GNG4: variants seen among roughly 807,000 people sequenced by gnomAD.
GNG4 encodes the protein guanine nucleotide-binding protein G(I)/G(S)/G(O) subunit gamma-4.
A neutral mutation model predicts 5.8 loss-of-function variants in GNG4; 4 were observed. The ratio of observed to expected loss-of-function variants is 0.69; its 90% CI spans 0.34 to 1.57. The LOEUF is 1.57. GNG4 is among the 40% of genes most tolerant of loss of function. GNG4 has a pLI of 0.06. For synonymous variants in GNG4, 29 were observed against 32.9 expected, an observed-to-expected ratio of 0.88 and a Z score of 0.41; for missense variants, 96 against 95.1, an observed-to-expected ratio of 1.01 and a Z score of -0.04.
At chr1:235,608,687 ATT>A (rs58183552) in intron 1 of GNG4, among the ~76,000 whole-genome samples, 56,030 of 143,126 alleles carry the variant, frequency 0.39, 12,057 homozygotes, top group African/African-American at 0.58. Context: ...TTTATTTTTT[ATT>A]TTTTTTTTTT....
chr1:235,562,647 G>GAAA (rs1286012762), intron 3 of GNG4, among the ~76,000 whole-genome samples: 1 of 21,688 alleles, frequency 4.6e-5, no homozygotes, highest in Non-Finnish European at 1.1e-4. Context: ...TCTGTCTCAA[G>GAAA]AAAAAAAAAA....
chr1:235,593,771 C>G (rs1688049280), intron 2 of GNG4, among the ~76,000 whole-genome samples: 1 of 152,108 alleles, frequency 6.6e-6, no homozygotes, highest in Non-Finnish European at 1.5e-5. Context: ...TTCCTTCCTC[C>G]CAGTGGGTTT....
At chr1:235,605,784 G>A (rs1688344354) in intron 1 of GNG4, among the ~76,000 whole-genome samples, 1 of 151,978 alleles carries the variant, frequency 6.6e-6, no homozygotes. Context: ...AACCCTGGGT[G>A]GTCCCTTATT....
At chr1:235,561,363 G>A (rs941613827) in intron 3 of GNG4, among the ~76,000 whole-genome samples, 1 of 151,758 alleles carries the variant, frequency 6.6e-6, no homozygotes, top group African/African-American at 2.4e-5. Context: ...TGTTTTAAGG[G>A]TTCTCTCTCT....
intron 3 of GNG4, among the ~76,000 whole-genome samples, chr1:235,570,862 A>ATATGTG (rs143958257): frequency 6.3e-4 from 89 of 141,588 alleles, no homozygotes; most frequent in South Asian, 4.8e-3. Context: ...ATATATATAT[A>ATATGTG]TGTGTGTGTG....
chr1:235,588,595 G>A (rs550152353), intron 2 of GNG4, among the ~76,000 whole-genome samples: 2 of 150,970 alleles, frequency 1.3e-5, no homozygotes, highest in South Asian at 4.2e-4. Flanking sequence ...CTGCTGGAGA[G>A]ACCCCCCCCA....
At chr1:235,564,696 A>AT (rs1370001605) in intron 3 of GNG4, among the ~76,000 whole-genome samples, 2 of 151,940 alleles carry the variant, frequency 1.3e-5, no homozygotes, top group African/African-American at 2.4e-5. Context: ...AGTTATTATT[A>AT]TTTTTTTTAG....
At chr1:235,584,307 C>T (rs545038630) in intron 2 of GNG4, among the ~76,000 whole-genome samples, 46 of 152,298 alleles carry the variant, frequency 3.0e-4, no homozygotes, top group African/African-American at 1.1e-3. Flanking sequence ...AGAAATTAAA[C>T]CAATAGCCAA....
intron 1 of GNG4, among the ~76,000 whole-genome samples, chr1:235,618,231 C>T (rs1688637910): frequency 6.6e-6 from 1 of 152,120 alleles, no homozygotes; most frequent in Admixed American, 6.5e-5. Flanking sequence ...GAATGGCAGC[C>T]CAGTGATTAT....
chr1:235,607,442 A>G (rs1460940228), intron 1 of GNG4, among the ~76,000 whole-genome samples: 2 of 152,188 alleles, frequency 1.3e-5, no homozygotes, highest in Non-Finnish European at 2.9e-5. Flanking sequence ...GTGTTGTTCA[A>G]TGAGGTTGCT....
intron 3 of GNG4, among the ~76,000 whole-genome samples, chr1:235,560,949 T>C (rs2102917014): frequency 1.3e-5 from 2 of 152,344 alleles, no homozygotes; most frequent in Middle Eastern, 6.8e-3. Context: ...TGAACATGTT[T>C]TCATACGCTT....
chr1:235,601,825 C>T (rs1571907794), intron 1 of GNG4, among the ~76,000 whole-genome samples: 2 of 152,330 alleles, frequency 1.3e-5, no homozygotes, highest in African/African-American at 2.4e-5. Flanking sequence ...TCCCATCACA[C>T]GTGGATGTGT....
intron 2 of GNG4, among the ~76,000 whole-genome samples, chr1:235,594,628 C>T (rs991551612): frequency 6.6e-6 from 1 of 152,338 alleles, no homozygotes; most frequent in South Asian, 2.1e-4. Flanking sequence ...GCTGCTGGCC[C>T]AGGTGCTAAG....
At position 235,583,905 on chromosome 1, in the gene GNG4, C is replaced by A; in HGVS notation, c.-10-57G>T. ...AGCTGCTCTTCCAAGGGTAGGGGAACCCCACCTCCCACCACCTACAGCTTC... is the reference window on the plus strand; with the variant it reads ...AGCTGCTCTTCCAAGGGTAGGGGAAACCCACCTCCCACCACCTACAGCTTC... On this transcript the variant is annotated intron_variant, in intron 2 of 3. Coordinates refer to ENST00000391854, the MANE Select transcript of GNG4 (RefSeq NM_001098722.2). 6 of 1,029,916 alleles carry A rather than the reference C, an allele frequency of 5.8e-6. No homozygotes were observed. The South Asian group carries it at 8.6e-5, about 15-fold the overall frequency. The allele number at this position is 1,029,916 out of a possible 1,614,324, so 63.8% of individuals were successfully genotyped here.
In GNG4 at chr1:235,648,091, T is replaced by C. The variant is rs1318184256; in HGVS notation, c.-123+1571A>G. Reference sequence around the variant, plus strand: ...ACGCCAATCATAGGACTGCTGGGAATGGCCCCTTAGCTGTGCTGTTTCTGA... The same window carrying C: ...ACGCCAATCATAGGACTGCTGGGAACGGCCCCTTAGCTGTGCTGTTTCTGA... On this transcript the variant is annotated intron_variant, in intron 1 of 3. Coordinates refer to ENST00000391854, the MANE Select transcript of GNG4 (RefSeq NM_001098722.2). This position sits in a 1 kb window ranked among gnomAD's most constrained non-coding sequence, Gnocchi z 5.0. Among the ~76,000 whole-genome samples, 1 of 152,048 alleles carries C rather than the reference T, an allele frequency of 6.6e-6. No homozygotes were observed. The highest frequency in any genetic ancestry group is 1.5e-5 in the Non-Finnish European group (1 of 68,014).
chr1:235,642,117 G>C lies in GNG4; in HGVS notation c.-123+7545C>G, dbSNP rs1021954483. 6.7e-6 allele frequency among the ~76,000 whole-genome samples: 1 copy of C among 149,622 alleles called. No homozygotes were observed. Among genetic ancestry groups the C allele is most frequent in the African/African-American group, 2.5e-5 (1 of 39,982 alleles). The stretch of plus-strand genomic sequence containing the variant: ...ACACTAAGAACCGTGCGGAAAAGGA[G>C]AGAAAACCAGACCGCAGGGGCATTT... On this transcript the variant is annotated intron_variant, in intron 1 of 3. Transcript: ENST00000391854. The surrounding 1 kb of genome is among the most constrained non-coding windows in gnomAD (Gnocchi z 4.3).
intron 2 of GNG4, among the ~76,000 whole-genome samples, chr1:235,589,352 C>A (rs1399582935): frequency 6.6e-6 from 1 of 152,140 alleles, no homozygotes. Context: ...ACCCCGAAGG[C>A]AGGGGAGAGT....
chr1:235,580,677 C>T (rs1397536014), intron 3 of GNG4, among the ~76,000 whole-genome samples: 1 of 151,868 alleles, frequency 6.6e-6, no homozygotes, highest in African/African-American at 2.4e-5. Context: ...TGGCAGGCCC[C>T]CTGAGGAATC....
chr1:235,582,975 C>T (rs1016312943), intron 3 of GNG4, among the ~76,000 whole-genome samples: 3 of 152,268 alleles, frequency 2.0e-5, no homozygotes, highest in South Asian at 2.1e-4. Flanking sequence ...CTTCAGGAGT[C>T]GCCCGTTGCC....
Sources: gnomAD v4.1 joint callset for allele counts (sites outside exome capture counted in the v4.1 genomes callset) on GRCh38, gnomAD v4.1.1 for gene constraint, Gnocchi (gnomAD v3.1) non-coding constraint, MANE v1.5 for transcripts, NCBI Gene and HGNC (gene_info 2026-07-23, HGNC 2026-07-21) for gene names.